SREBF2: variants seen among roughly 807,000 people sequenced by gnomAD.
The protein encoded by SREBF2 is sterol regulatory element binding transcription factor 2.
A neutral mutation model predicts 113.1 loss-of-function variants in SREBF2; 55 were observed. The observed-to-expected ratio is 0.49, with a 90% CI of 0.39 to 0.61. The LOEUF (loss-of-function observed/expected upper bound fraction) is 0.61. SREBF2 is among the 20% of genes least tolerant of loss of function. The pLI, the probability that SREBF2 is intolerant of heterozygous loss-of-function variation, is 0.00. For synonymous variants in SREBF2, 593 were observed against 605.7 expected (o/e 0.98, Z 0.31); for missense variants, 1,349 against 1,487.4 (o/e 0.91, Z 1.53).
chr22:41,890,232 T>A (rs890445945), intron 11 of SREBF2, among the ~76,000 whole-genome samples: 1 of 152,130 alleles, frequency 6.6e-6, no homozygotes, highest in African/African-American at 2.4e-5. Context: ...CAACCATCAC[T>A]CTCTCTCTTT....
chr22:41,903,566 C>A (rs1282017696), intron 17 of SREBF2, among the ~76,000 whole-genome samples: 1 of 152,252 alleles, frequency 6.6e-6, no homozygotes, highest in African/African-American at 2.4e-5. Flanking sequence ...TTCGGTTCTG[C>A]TGCTGGGTAA....
Position 41,877,928 on chromosome 22 carries a change from A to G in SREBF2, c.1580-14A>G. The G allele has an allele frequency of 6.2e-7, 1 of 1,614,128 alleles. No homozygotes were observed. Among genetic ancestry groups the G allele is most frequent in the Non-Finnish European group, 8.5e-7 (1 of 1,180,036 alleles). The stretch of plus-strand genomic sequence containing the variant: ...GCCTTTCCTAGCAGACTCTGCTGAG[A>G]CGCTCCTTCTTAGGTTCTGGGGGCT... On this transcript the variant is annotated splice_polypyrimidine_tract_variant and intron_variant, in intron 8 of 18. Transcript: ENST00000361204.
chr22:41,843,126 C>A (rs186785954), intron 1 of SREBF2, among the ~76,000 whole-genome samples: 1 of 152,298 alleles, frequency 6.6e-6, no homozygotes, highest in East Asian at 1.9e-4. Context: ...TCAAGTGACA[C>A]ATGACTTTAT....
chr22:41,851,655 A>T (rs1015229485), intron 1 of SREBF2, among the ~76,000 whole-genome samples: 1 of 151,910 alleles, frequency 6.6e-6, no homozygotes. Context: ...CACCACGCCC[A>T]GCTGATTTTT....
At chr22:41,851,823 A>T (rs1483937086) in intron 1 of SREBF2, among the ~76,000 whole-genome samples, 1 of 147,792 alleles carries the variant, frequency 6.8e-6, no homozygotes, top group Non-Finnish European at 1.5e-5. Flanking sequence ...AAGACACTTT[A>T]AAAAAAAAAC....
chr22:41,881,046 C>G (rs1569399673), intron 10 of SREBF2, 54 bp downstream of exon 10: 1 of 1,587,124 alleles, frequency 6.3e-7, no homozygotes, highest in Middle Eastern at 2.3e-4. Flanking sequence ...CATGCTACCT[C>G]TCCTCCTTAG....
chr22:41,896,109 C>G (rs145112180), intron 13 of SREBF2, among the ~76,000 whole-genome samples: 6,750 of 151,322 alleles, frequency 0.045, 487 homozygotes, highest in African/African-American at 0.15. Flanking sequence ...CCACTGCACT[C>G]CAGCCTGGGT....
chr22:41,893,481 C>A (rs955570885), intron 12 of SREBF2, among the ~76,000 whole-genome samples, 196 bp downstream of exon 12: 3 of 152,184 alleles, frequency 2.0e-5, no homozygotes, highest in African/African-American at 7.2e-5. Flanking sequence ...CAAGCCTGAT[C>A]AGAAATTGTC....
At chr22:41,882,047 A>G (rs2077250629) in intron 10 of SREBF2, among the ~76,000 whole-genome samples, 1 of 152,096 alleles carries the variant, frequency 6.6e-6, no homozygotes, top group African/African-American at 2.4e-5. Flanking sequence ...ACTCCAAAAA[A>G]AAAAGTTTAG....
At chr22:41,905,181 G>C (rs547306430) in intron 18 of SREBF2, among the ~76,000 whole-genome samples, 2 of 152,356 alleles carry the variant, frequency 1.3e-5, no homozygotes, top group Admixed American at 6.5e-5. Flanking sequence ...AGGGAAGGAG[G>C]GTTGGGGTGG....
In SREBF2 at chr22:41,875,707, C is replaced by T. The variant is rs755547487; in HGVS notation, c.1369C>T (p.Leu457=). The T allele has an allele frequency of 1.3e-4, 213 of 1,614,070 alleles. No individual in the cohort carries two copies. The highest frequency in any genetic ancestry group is 1.7e-4 in the Non-Finnish European group (206 of 1,180,038). The part of the protein sequence containing the change: ...YSIDSEPGSP[L]LDDAKVKDEP... The stretch of plus-strand genomic sequence containing the variant: ...CATTGACTCTGAGCCAGGAAGCCCT[C>T]TATTGGATGATGCAAAGGTACAGAC... The change falls in exon 7 of 19, where the codon CTA becomes TTA. Residue 457 remains leucine, a synonymous_variant. Coordinates refer to ENST00000361204, the MANE Select transcript of SREBF2 (RefSeq NM_004599.4).
chr22:41,886,932 G>T lies in SREBF2; in HGVS notation c.2208+1921G>T, dbSNP rs569600964. 1.6e-4 allele frequency among the ~76,000 whole-genome samples: 24 copies of T among 152,258 alleles called. No individual in the cohort carries two copies. In the South Asian group the frequency reaches 5.0e-3, roughly 32 times the overall value. On this transcript the variant is annotated intron_variant, in intron 11 of 18. Coordinates refer to ENST00000361204, the MANE Select transcript of SREBF2 (RefSeq NM_004599.4). ...GCCTATAATCTCAGCTACTTGGGAG[G>T]CTGAGACAGGAGAATCACTTGAACC...
chr22:41,835,395 C>G (rs576233542), intron 1 of SREBF2, among the ~76,000 whole-genome samples: 5 of 148,072 alleles, frequency 3.4e-5, no homozygotes, highest in Non-Finnish European at 6.0e-5. Context: ...ACCGCAACCT[C>G]CACCTCCCGA....
intron 10 of SREBF2, among the ~76,000 whole-genome samples, chr22:41,881,807 C>A (rs2077248095): frequency 6.6e-6 from 1 of 152,156 alleles, no homozygotes; most frequent in Non-Finnish European, 1.5e-5. Flanking sequence ...GTAGCTGGCT[C>A]ACACCTGTAG....
At chr22:41,887,815 CT>C (rs1264957229) in intron 11 of SREBF2, among the ~76,000 whole-genome samples, 1 of 152,030 alleles carries the variant, frequency 6.6e-6, no homozygotes, top group African/African-American at 2.4e-5. Flanking sequence ...GTTCTACATC[CT>C]TACCGAACAC....
intron 17 of SREBF2, among the ~76,000 whole-genome samples, chr22:41,904,367 A>G (rs1199503883): frequency 6.6e-6 from 1 of 152,096 alleles, no homozygotes; most frequent in Non-Finnish European, 1.5e-5. Context: ...CTTGCCCTTC[A>G]CCCACCAGTG....
intron 1 of SREBF2, among the ~76,000 whole-genome samples, chr22:41,844,217 G>A (rs1404740387): frequency 6.6e-6 from 1 of 152,026 alleles, no homozygotes; most frequent in Non-Finnish European, 1.5e-5. Flanking sequence ...AGTTCTTGCA[G>A]CACCTATGAT....
rs2076902185 is a variant in SREBF2 at position 41,848,890 on chromosome 22, G to C, written c.88+15532G>C. 1.3e-5 allele frequency among the ~76,000 whole-genome samples: 2 copies of C among 151,976 alleles called. 1 individual carries two copies. The highest frequency in any genetic ancestry group is 4.1e-4 in the South Asian group (2 of 4,822). ...CATATATTAACTCACTTAAAACAGT[G>C]CTTGAAATGGCTACCTCACAGGGTG... On this transcript the variant is annotated intron_variant, in intron 1 of 18. Transcript: ENST00000361204.
intron 16 of SREBF2, 137 bp from the exon 17 acceptor site, chr22:41,902,833 C>G (rs2077476009): frequency 1.0e-6 from 1 of 971,396 alleles, no homozygotes; most frequent in South Asian, 1.4e-5. Context: ...CTGCGGAGTT[C>G]ACCAGACTCT....
Sources: allele counts gnomAD v4.1 joint callset (sites outside exome capture counted in the v4.1 genomes callset), GRCh38; gene constraint gnomAD v4.1.1; transcripts MANE v1.5; gene names NCBI Gene and HGNC (gene_info 2026-07-23, HGNC 2026-07-21).